CIMAP2: variants seen among roughly 807,000 people sequenced by gnomAD.
CIMAP2 encodes ciliary microtubule associated protein 2.
the CIMAP2 span, chr1:54,807,829 T>C: frequency 6.6e-7 from 1 of 1,524,608 alleles, no homozygotes; most frequent in Admixed American, 2.2e-5. Context: ...GCCTTGGGCT[T>C]CTTCCTGCGT....
At chr1:54,828,561 G>A in the CIMAP2 span, among the ~76,000 whole-genome samples, 1 of 152,060 alleles carries the variant, frequency 6.6e-6, no homozygotes, top group African/African-American at 2.4e-5. Flanking sequence ...CAAACTCCTG[G>A]GCTCAAGTGA....
At chr1:54,809,216 G>T in the CIMAP2 span, among the ~76,000 whole-genome samples, 2 of 152,316 alleles carry the variant, frequency 1.3e-5, no homozygotes, top group South Asian at 4.1e-4. Flanking sequence ...GCCCCAGAGT[G>T]CACAGCTGCT....
the CIMAP2 span, chr1:54,841,674 TA>T: frequency 1.9e-6 from 3 of 1,607,346 alleles, no homozygotes; most frequent in Non-Finnish European, 2.6e-6. Context: ...CTCACCAATG[TA>T]GGATCTCCTG....
the CIMAP2 span, among the ~76,000 whole-genome samples, chr1:54,829,510 C>T: frequency 5.3e-5 from 8 of 152,144 alleles, no homozygotes; most frequent in African/African-American, 1.7e-4. Context: ...CACAGAAGAT[C>T]GATCACAGGT....
chr1:54,808,052 G>A, the CIMAP2 span: 1 of 1,496,092 alleles, frequency 6.7e-7, no homozygotes, highest in East Asian at 2.4e-5. Flanking sequence ...AGAGAGCCTG[G>A]CATACACTGG....
the CIMAP2 span, among the ~76,000 whole-genome samples, chr1:54,828,772 A>G: frequency 6.6e-6 from 1 of 152,242 alleles, no homozygotes; most frequent in African/African-American, 2.4e-5. Flanking sequence ...GGCATAAATG[A>G]AGAAAAATAG....
At chr1:54,842,136 C>T in the CIMAP2 span, 9 of 551,186 alleles carry the variant, frequency 1.6e-5, no homozygotes, top group East Asian at 2.7e-4. Context: ...GTGACATGAA[C>T]ATGGGGGCCA....
the CIMAP2 span, among the ~76,000 whole-genome samples, chr1:54,837,216 C>T: frequency 7.2e-5 from 11 of 152,124 alleles, no homozygotes; most frequent in Admixed American, 2.6e-4. Flanking sequence ...CCCCAAATGA[C>T]GTCAGCATTT....
chr1:54,811,767 C>CGGGGGGGGGGCGG, the CIMAP2 span: 3 of 1,088,164 alleles, frequency 2.8e-6, no homozygotes, highest in Non-Finnish European at 4.1e-6. Flanking sequence ...TTCTGACAGC[C>CGGGGGGGGGGCGG]TCCATGCCCC....
At chr1:54,811,772 T>TTCCCCCCCCCCCCCCCCCCCC in the CIMAP2 span, 1 of 454,862 alleles carries the variant, frequency 2.2e-6, no homozygotes, top group Non-Finnish European at 4.3e-6. Flanking sequence ...ACAGCCTCCA[T>TTCCCCCCCCCCCCCCCCCCCC]GCCCCCACCC....
chr1:54,810,615 T>G, the CIMAP2 span, among the ~76,000 whole-genome samples: 83 of 152,226 alleles, frequency 5.5e-4, no homozygotes, highest in Non-Finnish European at 6.3e-4. Context: ...GGCTCAGAGG[T>G]AGGGCATGGC....
chr1:54,820,925 C>T, the CIMAP2 span, among the ~76,000 whole-genome samples: 1 of 152,056 alleles, frequency 6.6e-6, no homozygotes, highest in Non-Finnish European at 1.5e-5. Flanking sequence ...TACACCACCA[C>T]CCCCGGCTAA....
chr1:54,831,753 A>G, the CIMAP2 span, among the ~76,000 whole-genome samples: 1 of 152,258 alleles, frequency 6.6e-6, no homozygotes, highest in South Asian at 2.1e-4. Context: ...AGTAATACAA[A>G]CACTAAGCAA....
At chr1:54,833,851 T>A in the CIMAP2 span, among the ~76,000 whole-genome samples, 207 of 150,960 alleles carry the variant, frequency 1.4e-3, 1 homozygote, top group African/African-American at 4.6e-3. Context: ...CTTTTTTTTT[T>A]AATTTTTATT....
the CIMAP2 span, among the ~76,000 whole-genome samples, chr1:54,821,999 C>T: frequency 1.5e-5 from 2 of 129,792 alleles, 1 homozygote; most frequent in Non-Finnish European, 3.3e-5. Context: ...CCCGGGTTCA[C>T]GCCATTCTCC....
At chr1:54,807,346 T>C in the CIMAP2 span, among the ~76,000 whole-genome samples, 1 of 152,140 alleles carries the variant, frequency 6.6e-6, no homozygotes, top group Non-Finnish European at 1.5e-5. Flanking sequence ...TGATAGAGGA[T>C]GTCACGATTG....
chr1:54,808,611 C>CGGGGGGGG, the CIMAP2 span, among the ~76,000 whole-genome samples: 2 of 44,208 alleles, frequency 4.5e-5, 1 homozygote, highest in East Asian at 8.6e-4. Context: ...CCAGGTGCTG[C>CGGGGGGGG]CGGGGGAGGG....
At chr1:54,838,933 A>C in the CIMAP2 span, among the ~76,000 whole-genome samples, 1 of 65,456 alleles carries the variant, frequency 1.5e-5, no homozygotes, top group African/African-American at 3.6e-5. Context: ...TGGGGCAGGG[A>C]TTGGGGGGAG....
At chr1:54,814,558 T>C in the CIMAP2 span, among the ~76,000 whole-genome samples, 1 of 152,166 alleles carries the variant, frequency 6.6e-6, no homozygotes, top group African/African-American at 2.4e-5. Flanking sequence ...TTACCAAGTT[T>C]CTCCAGCAAG....
Sources: gnomAD v4.1 joint callset for allele counts (sites outside exome capture counted in the v4.1 genomes callset) on GRCh38, gnomAD v4.1.1 for gene constraint, MANE v1.5 for transcripts, NCBI Gene and HGNC (gene_info 2026-07-23, HGNC 2026-07-21) for gene names.